The following EPB41L2 variants were observed in gnomAD, a reference collection of about 807,000 sequenced individuals.
EPB41L2 encodes the protein erythrocyte membrane protein band 4.1 like 2, also known as band 4.1-like protein 2.
EPB41L2 carries 43 observed loss-of-function variants against 113.0 expected under a neutral mutation model. The ratio of observed to expected loss-of-function variants is 0.38; its 90% confidence interval spans 0.30 to 0.49. The LOEUF (loss-of-function observed/expected upper bound fraction) is 0.49. Ranked by LOEUF, EPB41L2 falls within the 20% of genes least tolerant of loss-of-function variation. EPB41L2 has a pLI of 0.95. For missense variants in EPB41L2, 1,147 were observed against 1,223.4 expected, an observed-to-expected ratio of 0.94 and a Z score of 0.93; for synonymous variants, 442 against 436.7, an observed-to-expected ratio of 1.01 and a Z score of -0.15.
At chr6:130,953,675 C>G (rs184277363) in intron 3 of EPB41L2, among the ~76,000 whole-genome samples, 59 of 150,180 alleles carry the variant, frequency 3.9e-4, no homozygotes, top group African/African-American at 1.4e-3. Context: ...AAAAAAAAAA[C>G]AAAAAAGAGG....
chr6:130,861,828 T>C (rs913975595), intron 18 of EPB41L2, among the ~76,000 whole-genome samples: 4 of 148,460 alleles, frequency 2.7e-5, no homozygotes, highest in Admixed American at 2.1e-4. Context: ...GTCCAGATCG[T>C]GCCACTGCAC....
chr6:130,878,138 C>T lies in EPB41L2; in HGVS notation c.2009G>A (p.Arg670Gln), dbSNP rs751011583. The T allele has an allele frequency of 1.9e-5, 31 of 1,613,252 alleles. No individual in the cohort carries two copies. In the Middle Eastern group the frequency reaches 6.6e-4, roughly 34 times the overall value. The change falls in exon 14 of 20, where the codon CGA becomes CAA. Residue 670 changes from arginine to glutamine, a missense_variant. Arg to Gln is a conservative substitution (Grantham distance 43). Transcript: ENST00000337057. Reference protein sequence around the residue: ...PEPRPNEWEKRRITPLSLQTQ... With the variant: ...PEPRPNEWEKQRITPLSLQTQ... ...CTGTAGGGACAGAGGTGTGATACGT[C>T]GTTTTTCCCATTCATTAGGGCGCGG...
At chr6:130,928,953 T>C (rs530550878) in intron 3 of EPB41L2, among the ~76,000 whole-genome samples, 48 of 152,312 alleles carry the variant, frequency 3.2e-4, no homozygotes, top group African/African-American at 1.1e-3. Flanking sequence ...AACTATTCCT[T>C]CACTAGTCCA....
chr6:130,846,182 G>C (rs1662006378), intron 19 of EPB41L2, among the ~76,000 whole-genome samples: 1 of 152,208 alleles, frequency 6.6e-6, no homozygotes, highest in Admixed American at 6.5e-5. Context: ...ATCAGTGGCA[G>C]CGAATGACCC....
chr6:131,047,016 G>C (rs1795601003), intron 1 of EPB41L2, among the ~76,000 whole-genome samples: 1 of 152,134 alleles, frequency 6.6e-6, no homozygotes, highest in African/African-American at 2.4e-5. Flanking sequence ...TCTGGAACTA[G>C]ACAGCCTGGG....
intron 1 of EPB41L2, among the ~76,000 whole-genome samples, chr6:131,033,067 G>C (rs1404030960): frequency 6.6e-6 from 1 of 152,052 alleles, no homozygotes; most frequent in Non-Finnish European, 1.5e-5. Context: ...GTAGAGACAG[G>C]GTTTCACCAT....
chr6:131,048,308 G>C (rs1795890110), intron 1 of EPB41L2, among the ~76,000 whole-genome samples: 1 of 152,064 alleles, frequency 6.6e-6, no homozygotes, highest in Non-Finnish European at 1.5e-5. Flanking sequence ...TTTAGAAATT[G>C]TTGGGGTTTT....
chr6:131,035,129 T>A (rs1793022634), intron 1 of EPB41L2, among the ~76,000 whole-genome samples: 1 of 152,188 alleles, frequency 6.6e-6, no homozygotes, highest in African/African-American at 2.4e-5. Context: ...CTCTGTTGGC[T>A]AAAACAACCA....
chr6:130,974,717 CTTTTT>C (rs71030723), intron 1 of EPB41L2, among the ~76,000 whole-genome samples: 2 of 64,642 alleles, frequency 3.1e-5, no homozygotes, highest in Non-Finnish European at 5.5e-5. Flanking sequence ...CTTTTCTTTT[CTTTTT>C]TTTTTTTTTT....
Position 130,869,690 on chromosome 6 carries a change from T to C in EPB41L2, c.2480A>G (p.Lys827Arg). ...CTTAAGAGCGCCTTCGTGTACACTC[T>C]TCTCTCCGGGTATCTTTTGGGCACC... ...NVGAQKIPGEKSVHEGALKQD... is the reference protein window; with the variant it reads ...NVGAQKIPGERSVHEGALKQD... Residue 827 changes from lysine to arginine, a missense_variant, in exon 15 of 20, where the codon AAG becomes AGG. Lys to Arg is a conservative substitution (Grantham distance 26). Coordinates refer to ENST00000337057, the MANE Select transcript of EPB41L2 (RefSeq NM_001431.4). 1 of 1,614,202 alleles carries C rather than the reference T, an allele frequency of 6.2e-7. No individual in the cohort carries two copies. Among genetic ancestry groups the C allele is most frequent in the Non-Finnish European group, 8.5e-7 (1 of 1,180,032 alleles).
intron 4 of EPB41L2, among the ~76,000 whole-genome samples, chr6:130,912,551 T>G (rs144105954): frequency 1.3e-5 from 2 of 152,296 alleles, no homozygotes; most frequent in African/African-American, 4.8e-5. Flanking sequence ...TGGTCTAGTT[T>G]CATATTACTG....
intron 3 of EPB41L2, among the ~76,000 whole-genome samples, chr6:130,949,062 TAAG>T (rs1478638207): frequency 2.0e-5 from 3 of 152,142 alleles, no homozygotes; most frequent in Non-Finnish European, 2.9e-5. Flanking sequence ...GTATCAACAA[TAAG>T]AAGATCATGC....
intron 19 of EPB41L2, among the ~76,000 whole-genome samples, chr6:130,842,144 A>T (rs1047359278): frequency 3.3e-5 from 5 of 152,192 alleles, no homozygotes; most frequent in African/African-American, 1.2e-4. Flanking sequence ...TAATGAAAAA[A>T]GTTCCTACCA....
Position 131,020,956 on chromosome 6 carries a change from AT to A in EPB41L2, c.-15+42198del, listed in dbSNP as rs373751654. Among the ~76,000 whole-genome samples, 359 of 147,522 alleles carry A rather than the reference AT, an allele frequency of 2.4e-3. 1 individual carries two copies. Among genetic ancestry groups the A allele is most frequent in the Middle Eastern group, 0.014 (4 of 284 alleles). On this transcript the variant is annotated intron_variant, in intron 1 of 19. Coordinates refer to ENST00000337057, the MANE Select transcript of EPB41L2 (RefSeq NM_001431.4). Reference sequence around the variant, plus strand: ...AGGCATGTGCCACCCCACCAGGCTAATTTTTTTTTTTTAACTTTTTTTGTAG... The same window carrying A: ...AGGCATGTGCCACCCCACCAGGCTAATTTTTTTTTTTAACTTTTTTTGTAG...
At chr6:131,032,500 T>C (rs970181351) in intron 1 of EPB41L2, among the ~76,000 whole-genome samples, 7 of 152,206 alleles carry the variant, frequency 4.6e-5, no homozygotes, top group Admixed American at 6.5e-5. Flanking sequence ...TTCAGATTTA[T>C]ACTTTAATCT....
At chr6:130,965,333 C>T (rs75075265) in intron 1 of EPB41L2, among the ~76,000 whole-genome samples, 3,429 of 152,198 alleles carry the variant, frequency 0.023, 127 homozygotes, top group African/African-American at 0.079. Flanking sequence ...AAAGCAGCCA[C>T]GATTTTCTTG....
At chr6:130,905,555 AC>A (rs1272342145) in intron 5 of EPB41L2, among the ~76,000 whole-genome samples, 2 of 151,744 alleles carry the variant, frequency 1.3e-5, no homozygotes, top group Non-Finnish European at 2.9e-5. Flanking sequence ...AGTAGCTGGG[AC>A]CACAGGCATG....
intron 1 of EPB41L2, among the ~76,000 whole-genome samples, chr6:131,049,256 G>A (rs1475751997): frequency 6.6e-6 from 1 of 152,176 alleles, no homozygotes; most frequent in Non-Finnish European, 1.5e-5. Context: ...TTGGCATTAA[G>A]GAAATTAAGA....
chr6:131,006,199 GGC>G (rs1207404994), intron 1 of EPB41L2, among the ~76,000 whole-genome samples: 3 of 151,620 alleles, frequency 2.0e-5, no homozygotes, highest in African/African-American at 7.3e-5. Flanking sequence ...TGGGATTACA[GGC>G]ACCCACCACC....
Sources: gnomAD v4.1 joint callset for allele counts (sites outside exome capture counted in the v4.1 genomes callset) on GRCh38, gnomAD v4.1.1 for gene constraint, MANE v1.5 for transcripts, NCBI Gene and HGNC (gene_info 2026-07-23, HGNC 2026-07-21) for gene names.